Variants in GRIK2 observed in about 807,000 individuals in gnomAD.
GRIK2 encodes glutamate receptor ionotropic, kainate 2.
In GRIK2, 32 loss-of-function variants were observed where a neutral mutation model predicts 100.3. That is an observed-to-expected ratio of 0.32 (90% CI 0.24 to 0.43). The LOEUF (loss-of-function observed/expected upper bound fraction) is 0.43, where lower values mean the gene tolerates loss of function less well. Ranked by LOEUF, GRIK2 falls within the 20% of genes least tolerant of loss-of-function variation. The pLI, the probability that GRIK2 is intolerant of heterozygous loss-of-function variation, is 1.00. For missense variants in GRIK2, 843 were observed against 1,114.9 expected, an observed-to-expected ratio of 0.76 and a Z score of 3.47; for synonymous variants, 417 against 389.4, an observed-to-expected ratio of 1.07 and a Z score of -0.83.
At position 101,871,482 on chromosome 6, in the gene GRIK2, C is replaced by T. The variant is rs570847509; in HGVS notation, c.1524+11989C>T. 8.6e-4 allele frequency among the ~76,000 whole-genome samples: 130 copies of T among 151,028 alleles called. 2 individuals carry two copies. Among genetic ancestry groups the T allele is most frequent in the African/African-American group, 2.7e-3 (110 of 40,552 alleles). ...TGGAGTGTGCATGATCCCATAACCC[C>T]GATAGTGAGCATCACACACAGTAGG... On this transcript the variant is annotated intron_variant, in intron 11 of 16. Coordinates refer to ENST00000369134, the MANE Select transcript of GRIK2 (RefSeq NM_021956.5).
chr6:101,571,151 C>A (rs1392318027), intron 2 of GRIK2, among the ~76,000 whole-genome samples: 4 of 151,886 alleles, frequency 2.6e-5, no homozygotes, highest in Non-Finnish European at 5.9e-5. Flanking sequence ...AAACAGTTTG[C>A]AAAAATGAAA....
chr6:101,880,130 C>T (rs918356345), intron 11 of GRIK2, among the ~76,000 whole-genome samples: 1 of 151,996 alleles, frequency 6.6e-6, no homozygotes, highest in African/African-American at 2.4e-5. Flanking sequence ...GGGCAGAACT[C>T]AAGGCTATTC....
At chr6:101,603,648 C>G (rs1779320657) in intron 2 of GRIK2, among the ~76,000 whole-genome samples, 1 of 151,598 alleles carries the variant, frequency 6.6e-6, no homozygotes, top group African/African-American at 2.4e-5. Flanking sequence ...TGAATTATAA[C>G]TAGTATCTTT....
intron 7 of GRIK2, among the ~76,000 whole-genome samples, chr6:101,799,010 T>C (rs1034446036): frequency 6.6e-6 from 1 of 152,118 alleles, no homozygotes; most frequent in African/African-American, 2.4e-5. Context: ...AGATTAAGCT[T>C]AGTTTCTTGA....
chr6:101,446,547 T>C (rs967444864), intron 2 of GRIK2, among the ~76,000 whole-genome samples: 1 of 151,898 alleles, frequency 6.6e-6, no homozygotes, highest in Non-Finnish European at 1.5e-5. Flanking sequence ...AGCATAAAAT[T>C]GTCATCTTGT....
intron 7 of GRIK2, among the ~76,000 whole-genome samples, chr6:101,729,735 C>A (rs1273386690): frequency 6.6e-6 from 1 of 151,654 alleles, no homozygotes; most frequent in Non-Finnish European, 1.5e-5. Context: ...CATTCTCATG[C>A]ATAAAAGATC....
At chr6:101,418,944 G>A (rs1776282924) in intron 2 of GRIK2, among the ~76,000 whole-genome samples, 1 of 152,122 alleles carries the variant, frequency 6.6e-6, no homozygotes, top group African/African-American at 2.4e-5. Flanking sequence ...AATTTATTGA[G>A]TAGGCTGTTA....
At chr6:101,732,235 T>G (rs1352753364) in intron 7 of GRIK2, among the ~76,000 whole-genome samples, 1 of 152,062 alleles carries the variant, frequency 6.6e-6, no homozygotes, top group Non-Finnish European at 1.5e-5. Flanking sequence ...GTCTTTGTTC[T>G]ACAGATGAGA....
intron 14 of GRIK2, among the ~76,000 whole-genome samples, chr6:101,998,782 G>A (rs551854618): frequency 2.7e-5 from 4 of 145,768 alleles, no homozygotes; most frequent in African/African-American, 7.6e-5. Context: ...TCACTTGAGC[G>A]TATATGTGTG....
intron 14 of GRIK2, among the ~76,000 whole-genome samples, chr6:102,025,385 G>A (rs1769641929): frequency 6.6e-6 from 1 of 151,168 alleles, no homozygotes; most frequent in Non-Finnish European, 1.5e-5. Flanking sequence ...ATACTACCTA[G>A]TCATTAAGAG....
chr6:101,569,296 C>A (rs1453716981), intron 2 of GRIK2, among the ~76,000 whole-genome samples: 2 of 151,546 alleles, frequency 1.3e-5, no homozygotes, highest in African/African-American at 2.4e-5. Context: ...TAAAATTAAG[C>A]AAAAATGCTA....
chr6:102,001,219 G>A (rs569787009), intron 14 of GRIK2, among the ~76,000 whole-genome samples: 3 of 149,638 alleles, frequency 2.0e-5, no homozygotes, highest in South Asian at 2.1e-4. Context: ...TTTAAGTTCC[G>A]GGATACATGT....
At chr6:101,485,003 A>G (rs911330480) in intron 2 of GRIK2, among the ~76,000 whole-genome samples, 8 of 152,304 alleles carry the variant, frequency 5.3e-5, no homozygotes, top group Middle Eastern at 3.4e-3. Context: ...ATTGAAACAC[A>G]TTTCTCCTAT....
intron 14 of GRIK2, among the ~76,000 whole-genome samples, chr6:101,982,897 T>C (rs936720870): frequency 1.3e-5 from 2 of 151,686 alleles, no homozygotes; most frequent in African/African-American, 2.4e-5. Flanking sequence ...TCTCTTTACT[T>C]CCACAAAGGT....
At chr6:101,828,593 A>G (rs527546739) in intron 10 of GRIK2, among the ~76,000 whole-genome samples, 1 of 152,084 alleles carries the variant, frequency 6.6e-6, no homozygotes, top group East Asian at 1.9e-4. Flanking sequence ...ATGTGATATT[A>G]CAACTGATTC....
intron 4 of GRIK2, among the ~76,000 whole-genome samples, chr6:101,629,104 T>C (rs1039995045): frequency 4.6e-5 from 7 of 152,128 alleles, no homozygotes; most frequent in Non-Finnish European, 1.0e-4. Context: ...TAGGGACATA[T>C]GTATAGCTAG....
rs140070395 is a variant in GRIK2, at chr6:101,478,315, G to A, written c.115+78923G>A. On this transcript the variant is annotated intron_variant, in intron 2 of 16. Coordinates refer to ENST00000369134, the MANE Select transcript of GRIK2 (RefSeq NM_021956.5). ...AATAACACTTTATTGTTAGATCTTCGGGTCCTGTGTATTATAGTGAAGGTT... is the reference window on the plus strand; with the variant it reads ...AATAACACTTTATTGTTAGATCTTCAGGTCCTGTGTATTATAGTGAAGGTT... Among the ~76,000 whole-genome samples the A allele has an allele frequency of 5.7e-3, 857 of 151,662 alleles. 9 individuals carry two copies. Among genetic ancestry groups the A allele is most frequent in the African/African-American group, 0.019 (807 of 41,390 alleles).
At chr6:101,795,391 G>A (rs113133413) in intron 7 of GRIK2, among the ~76,000 whole-genome samples, 14 of 152,140 alleles carry the variant, frequency 9.2e-5, no homozygotes, top group African/African-American at 3.1e-4. Flanking sequence ...AGGAGTGCCA[G>A]GTAGTTCAGT....
chr6:101,874,510 T>G (rs1167316214), intron 11 of GRIK2, among the ~76,000 whole-genome samples: 1 of 152,184 alleles, frequency 6.6e-6, no homozygotes, highest in Non-Finnish European at 1.5e-5. Context: ...CCTTGTAATA[T>G]AGTTTGAAGT....
Sources: allele counts gnomAD v4.1 joint callset (sites outside exome capture counted in the v4.1 genomes callset), GRCh38; gene constraint gnomAD v4.1.1; transcripts MANE v1.5; gene names NCBI Gene and HGNC (gene_info 2026-07-23, HGNC 2026-07-21).